The following EPHA2 variants were observed in gnomAD, a reference collection of about 807,000 sequenced individuals.
EPHA2 encodes EPH receptor A2, also known as ephrin type-A receptor 2.
A neutral mutation model predicts 104.9 loss-of-function variants in EPHA2; 54 were observed. The observed-to-expected ratio is 0.51, with a 90% CI of 0.41 to 0.65. The LOEUF (loss-of-function observed/expected upper bound fraction) is 0.65, where lower values mean the gene tolerates loss of function less well. EPHA2 is among the 30% of genes least tolerant of loss of function. The probability of loss-of-function intolerance (pLI) is 0.00; values close to 1 mark genes in which losing one functional copy is unlikely to be tolerated. For missense variants in EPHA2, 1,117 were observed against 1,369.5 expected (o/e 0.82, Z 2.91); for synonymous variants, 560 against 559.1 (o/e 1.00, Z -0.02).
rs928871194 is a variant in EPHA2, at chr1:16,150,456, G to A, written c.153+440C>T. ...AACAGCTAGAGGTGGGAAAGGGGCG[G>A]GCAGGAAGGAACTTGATCAGGTTTT... On this transcript the variant is annotated intron_variant, in intron 2 of 16. Transcript: ENST00000358432. This position sits in a 1 kb window ranked among gnomAD's most constrained non-coding sequence, Gnocchi z 4.8. Among the ~76,000 whole-genome samples, 1 of 152,174 alleles carries A rather than the reference G, an allele frequency of 6.6e-6. No homozygotes were observed. Among genetic ancestry groups the A allele is most frequent in the Non-Finnish European group, 1.5e-5 (1 of 68,030 alleles).
At position 16,131,989 on chromosome 1, in the gene EPHA2, C is replaced by A. The variant is rs748239081; in HGVS notation, c.2325+75G>T. ...AGGTGTTCTGCCTCCTGAAGCACTG[C>A]CCAGGTGTGCAGGTGAGAGGACACC... On this transcript the variant is annotated intron_variant, in intron 13 of 16. Coordinates refer to ENST00000358432, the MANE Select transcript of EPHA2 (RefSeq NM_004431.5). The surrounding 1 kb of genome is among the most constrained non-coding windows in gnomAD (Gnocchi z 5.2). The A allele has an allele frequency of 1.9e-6, 3 of 1,611,332 alleles. No individual in the cohort carries two copies. The highest frequency in any genetic ancestry group is 1.3e-5 in the African/African-American group (1 of 74,886).
In EPHA2 at chr1:16,130,181, A is replaced by G. The variant is rs139721426; in HGVS notation, c.2669+45T>C. On this transcript the variant is annotated intron_variant, in intron 15 of 16. Transcript: ENST00000358432. The surrounding 1 kb of genome is among the most constrained non-coding windows in gnomAD (Gnocchi z 4.5). ...CTACCGAAGTGGTTCAAGAGTCTGC[A>G]GAAGGAAAATTGAGGTCATCATGGG... 1.2e-6 allele frequency: 2 copies of G among 1,613,504 alleles called. No individual in the cohort carries two copies. Among genetic ancestry groups the G allele is most frequent in the Admixed American group, 1.7e-5 (1 of 59,990 alleles).
In EPHA2 at chr1:16,135,637, C is replaced by T. The variant is rs748479377; in HGVS notation, c.1428+18G>A. ...CTGTCGGCCCAGCTAGAGCCAGCCC[C>T]GCCCCTCTGGGAGTTACCTTCTTGC... On this transcript the variant is annotated intron_variant, in intron 6 of 16. Transcript: ENST00000358432. The surrounding 1 kb of genome is among the most constrained non-coding windows in gnomAD (Gnocchi z 4.3). 36 of 1,610,860 alleles carry T rather than the reference C, an allele frequency of 2.2e-5. No homozygotes were observed. The highest frequency in any genetic ancestry group is 3.3e-5 in the Admixed American group (2 of 60,000).
Position 16,129,369 on chromosome 1 carries a change from G to C in EPHA2, c.2825+65C>G, listed in dbSNP as rs928515831. Reference sequence around the variant, plus strand: ...GGGGCAGGGAAGAGGGCTGGGGGGGGCATGGAGGCAGCCTCTGGAGTGGGA... The same window carrying C: ...GGGGCAGGGAAGAGGGCTGGGGGGGCCATGGAGGCAGCCTCTGGAGTGGGA... On this transcript the variant is annotated intron_variant, in intron 16 of 16. Transcript: ENST00000358432. 4.5e-6 allele frequency: 7 copies of C among 1,568,108 alleles called. No homozygotes were observed. The Admixed American group carries it at 5.0e-5, about 11-fold the overall frequency.
rs2024543493 is a variant in EPHA2 at position 16,130,027 on chromosome 1, G to A, written c.2669+199C>T. 6.6e-6 allele frequency among the ~76,000 whole-genome samples: 1 copy of A among 152,212 alleles called. No homozygotes were observed. Among genetic ancestry groups the A allele is most frequent in the African/African-American group, 2.4e-5 (1 of 41,448 alleles). The stretch of plus-strand genomic sequence containing the variant: ...ATATTAAGTGCTCACGCAGTGCCCT[G>A]CACACAGACACATAAGCTGGTTGCT... On this transcript the variant is annotated intron_variant, in intron 15 of 16. Coordinates refer to ENST00000358432, the MANE Select transcript of EPHA2 (RefSeq NM_004431.5). This position sits in a 1 kb window ranked among gnomAD's most constrained non-coding sequence, Gnocchi z 4.5.
Position 16,134,921 on chromosome 1 carries a change from C to A in EPHA2, c.1582+115G>T. 1 of 1,524,268 alleles carries A rather than the reference C, an allele frequency of 6.6e-7. No homozygotes were observed. Among genetic ancestry groups the A allele is most frequent in the African/African-American group, 1.4e-5 (1 of 73,498 alleles). The allele number at this position is 1,524,268 out of a possible 1,614,324, so 94.4% of individuals were successfully genotyped here. ...TCCCCGAAGGGCTGTCCCAGGCCGC[C>A]GGTGACCGAGAAAGGGGCATTTCTA... is the stretch of plus-strand genomic sequence containing the variant. On this transcript the variant is annotated intron_variant, in intron 7 of 16. Coordinates refer to ENST00000358432, the MANE Select transcript of EPHA2 (RefSeq NM_004431.5). This position sits in a 1 kb window ranked among gnomAD's most constrained non-coding sequence, Gnocchi z 4.5.
In EPHA2 at chr1:16,131,188, G is replaced by A. The variant is rs946154491; in HGVS notation, c.2475+533C>T. 1.3e-5 allele frequency among the ~76,000 whole-genome samples: 2 copies of A among 151,894 alleles called. No individual in the cohort carries two copies. The highest frequency in any genetic ancestry group is 2.4e-5 in the African/African-American group (1 of 41,326). ...GATGCACACACATGCATGGACACAC[G>A]GATACACACGTACACCCCACTCCTT... On this transcript the variant is annotated intron_variant, in intron 14 of 16. Transcript: ENST00000358432. This position sits in a 1 kb window ranked among gnomAD's most constrained non-coding sequence, Gnocchi z 5.2.
chr1:16,135,181 G>A lies in EPHA2; in HGVS notation c.1437C>T (p.Ser479=), dbSNP rs1394285578. The change falls in exon 7 of 17, where the codon TCC becomes TCT. Residue 479 remains serine, a synonymous_variant. Coordinates refer to ENST00000358432, the MANE Select transcript of EPHA2 (RefSeq NM_004431.5). This position sits in a 1 kb window ranked among gnomAD's most constrained non-coding sequence, Gnocchi z 4.3. ...YEVTYRKKGD[S]NSYNVRRTEG... is the part of the protein sequence containing the mutation. ...CGGTGCGGCGCACATTGTAGCTGTT[G>A]GAGTCTCCCTGTGGGTGGGTGGCCG... The A allele has an allele frequency of 6.2e-7, 1 of 1,613,824 alleles. No homozygotes were observed. Among genetic ancestry groups the A allele is most frequent in the Admixed American group, 1.7e-5 (1 of 60,030 alleles).
chr1:16,133,521 G>A lies in EPHA2; in HGVS notation c.1824C>T (p.Ile608=). The A allele has an allele frequency of 1.2e-6, 2 of 1,614,164 alleles. No homozygotes were observed. The highest frequency in any genetic ancestry group is 1.7e-6 in the Non-Finnish European group (2 of 1,179,998). ...TCTGCCGAGTGACACAGGATGGATGGATCTCGGTAGTGAACTTCAACACAG... is the reference window on the plus strand; with the variant it reads ...TCTGCCGAGTGACACAGGATGGATGAATCTCGGTAGTGAACTTCAACACAG... The part of the protein sequence containing the change: ...NQAVLKFTTE[I]HPSCVTRQKV... The change falls in exon 10 of 17, where the codon ATC becomes ATT. Residue 608 remains isoleucine, a synonymous_variant. Transcript: ENST00000358432.
At chr1:16,151,062 G>T in intron 1 of EPHA2, 99 bp from the exon 2 acceptor site, 1 of 1,201,302 alleles carries the variant, frequency 8.3e-7, no homozygotes, top group Non-Finnish European at 1.2e-6. Context: ...CCAACTCTCA[G>T]ACAGAGCGAG....
At position 16,150,170 on chromosome 1, in the gene EPHA2, C is replaced by G. The variant is rs1378791693; in HGVS notation, c.153+726G>C. On this transcript the variant is annotated intron_variant, in intron 2 of 16. Transcript: ENST00000358432. This position sits in a 1 kb window ranked among gnomAD's most constrained non-coding sequence, Gnocchi z 4.8. The stretch of plus-strand genomic sequence containing the variant: ...ATGCAGATCTGGCCAGCTCTGGGAA[C>G]TATTCCAAGTAGCCCCTGGGAGACA... Among the ~76,000 whole-genome samples the G allele has an allele frequency of 6.6e-6, 1 of 152,172 alleles. No individual in the cohort carries two copies. The highest frequency in any genetic ancestry group is 1.5e-5 in the Non-Finnish European group (1 of 68,030).
chr1:16,148,039 C>G lies in EPHA2; in HGVS notation c.823+339G>C, dbSNP rs919178576. ...TACAGGTGCATGCCACCACACCCAGCTAATTTTTGTGTTTTTGGTAGAGAC... is the reference window on the plus strand; with the variant it reads ...TACAGGTGCATGCCACCACACCCAGGTAATTTTTGTGTTTTTGGTAGAGAC... On this transcript the variant is annotated intron_variant, in intron 3 of 16. Coordinates refer to ENST00000358432, the MANE Select transcript of EPHA2 (RefSeq NM_004431.5). This position sits in a 1 kb window ranked among gnomAD's most constrained non-coding sequence, Gnocchi z 4.9. 1.3e-5 allele frequency among the ~76,000 whole-genome samples: 2 copies of G among 152,074 alleles called. No homozygotes were observed. The highest frequency in any genetic ancestry group is 4.8e-5 in the African/African-American group (2 of 41,398).
intron 1 of EPHA2, 98 bp from the exon 2 acceptor site, chr1:16,151,061 A>C: frequency 1.7e-6 from 2 of 1,199,120 alleles, no homozygotes; most frequent in Non-Finnish European, 2.5e-6. Flanking sequence ...CCCAACTCTC[A>C]GACAGAGCGA....
At chr1:16,140,945 G>T (rs2024813650) in intron 3 of EPHA2, among the ~76,000 whole-genome samples, 2 of 151,944 alleles carry the variant, frequency 1.3e-5, no homozygotes, top group South Asian at 4.2e-4. Context: ...TGCCCAGGCT[G>T]GTCTCTTGAC....
chr1:16,125,009 G>A lies in EPHA2; in HGVS notation c.*206C>T, dbSNP rs370184274. 1.3e-5 allele frequency: 8 copies of A among 607,322 alleles called. No homozygotes were observed. The highest frequency in any genetic ancestry group is 5.1e-5 in the Admixed American group (2 of 39,404). 37.6% of individuals were successfully genotyped at this position (607,322 alleles called of 1,614,324 possible). A position where few individuals can be genotyped will look rare whatever the true frequency, so the allele number is the denominator to read the frequency against. On this transcript the variant is annotated 3_prime_UTR_variant, in exon 17 of 17. Transcript: ENST00000358432. The surrounding 1 kb of genome is among the most constrained non-coding windows in gnomAD (Gnocchi z 4.9). ...CTAAGTGCTCAGCTGTGTGCGTCTC[G>A]CAGGGAAAGAGGGCCCAGCCCAGCA... is the stretch of plus-strand genomic sequence containing the variant.
At position 16,132,361 on chromosome 1, in the gene EPHA2, A is replaced by G. The variant is rs373768600; in HGVS notation, c.2115+17T>C. 3.1e-6 allele frequency: 5 copies of G among 1,614,002 alleles called. No individual in the cohort carries two copies. The highest frequency in any genetic ancestry group is 3.4e-6 in the Non-Finnish European group (4 of 1,180,020). ...CAATGGCCAGGCATCCCCGCCCCCT[A>G]CAACCCACATCCTTACCCGAAGGAA... On this transcript the variant is annotated intron_variant, in intron 12 of 16. Transcript: ENST00000358432.
At position 16,155,685 on chromosome 1, in the gene EPHA2, G is replaced by C. The variant is rs958038317; in HGVS notation, c.85+163C>G. The C allele has an allele frequency of 7.8e-6, 4 of 511,838 alleles. No homozygotes were observed. The African/African-American group carries it at 8.1e-5, about 10-fold the overall frequency. 31.7% of individuals were successfully genotyped at this position (511,838 alleles called of 1,614,324 possible). ...CGGAGCCCCTATGACCCCGGGTGGG[G>C]GCCAGGGCTCGCCTCGATCGCAGCC... On this transcript the variant is annotated intron_variant, in intron 1 of 16. Coordinates refer to ENST00000358432, the MANE Select transcript of EPHA2 (RefSeq NM_004431.5).
Position 16,150,914 on chromosome 1 carries a change from T to G in EPHA2, c.135A>C (p.Thr45=). 6.2e-7 allele frequency: 1 copy of G among 1,614,024 alleles called. No individual in the cohort carries two copies. Among genetic ancestry groups the G allele is most frequent in the Non-Finnish European group, 8.5e-7 (1 of 1,179,992 alleles). Residue 45 remains threonine, a synonymous_variant, in exon 2 of 17, where the codon ACA becomes ACC. Transcript: ENST00000358432. This position sits in a 1 kb window ranked among gnomAD's most constrained non-coding sequence, Gnocchi z 4.8. ...AAAGGELGWL[T]HPYGKGWDLM... ...TACATACCCCTTTGCCATACGGGTG[T>G]GTGAGCCAGCCGAGCTCCCCTCCAG... is the stretch of plus-strand genomic sequence containing the variant.
chr1:16,138,512 A>G (rs1013384883), intron 3 of EPHA2, 82 bp from the exon 4 acceptor site: 2 of 1,597,468 alleles, frequency 1.3e-6, no homozygotes, highest in East Asian at 4.5e-5. Flanking sequence ...TTCCCTCACC[A>G]GGGACCCCTG....
Sources: gnomAD v4.1 joint callset for allele counts (sites outside exome capture counted in the v4.1 genomes callset) on GRCh38, gnomAD v4.1.1 for gene constraint, Gnocchi (gnomAD v3.1) non-coding constraint, MANE v1.5 for transcripts, NCBI Gene and HGNC (gene_info 2026-07-23, HGNC 2026-07-21) for gene names.